PRDM1: variants seen among roughly 807,000 people sequenced by gnomAD.
PRDM1 encodes PR domain zinc finger protein 1.
PRDM1 carries 13 observed loss-of-function variants against 62.8 expected under a neutral mutation model. The observed-to-expected ratio is 0.21, with a 90% confidence interval of 0.13 to 0.33. The LOEUF (loss-of-function observed/expected upper bound fraction) is 0.33. Among genes scored for constraint, PRDM1 ranks in the 10% least tolerant of loss-of-function variants. PRDM1 has a pLI of 1.00. For synonymous variants in PRDM1, 396 were observed against 417.6 expected, an observed-to-expected ratio of 0.95 and a Z score of 0.63; for missense variants, 895 against 1,058.8, an observed-to-expected ratio of 0.85 and a Z score of 2.15.
chr6:106,022,722 C>T (rs1341659223), intron 1 of PRDM1, among the ~76,000 whole-genome samples: 1 of 152,004 alleles, frequency 6.6e-6, no homozygotes, highest in Non-Finnish European at 1.5e-5. Context: ...ACCCGCCCAG[C>T]CTTTTTAATT....
At chr6:106,064,556 C>T (rs545647971) in intron 1 of PRDM1, among the ~76,000 whole-genome samples, 18 of 152,260 alleles carry the variant, frequency 1.2e-4, no homozygotes, top group African/African-American at 3.6e-4. Context: ...GAGTACTTGT[C>T]GTCTGAGGGC....
chr6:106,107,959 C>CTT lies in PRDM1; in HGVS notation c.*475_*476dup, dbSNP rs1774552804. ...AATGTATTTTTGTCTTGTGGCCATT[C>CTT]TTTGTAGATAATTTCTGCACATCTG... On this transcript the variant is annotated 3_prime_UTR_variant, in exon 7 of 7. Transcript: ENST00000369096. The CTT allele has an allele frequency of 4.3e-6, 1 of 232,484 alleles. No individual in the cohort carries two copies. The allele number at this position is 232,484 out of a possible 1,614,324, so 14.4% of individuals were successfully genotyped here. A position where few individuals can be genotyped will look rare whatever the true frequency, so the allele number is the denominator to read the frequency against.
intron 1 of PRDM1, among the ~76,000 whole-genome samples, chr6:106,005,871 T>C (rs1428138153): frequency 2.6e-5 from 4 of 152,228 alleles, no homozygotes; most frequent in Non-Finnish European, 5.9e-5. Context: ...TGAGAAAACT[T>C]TACGGTTAGA....
At chr6:105,998,294 G>C (rs989018971) in intron 1 of PRDM1, among the ~76,000 whole-genome samples, 2 of 152,122 alleles carry the variant, frequency 1.3e-5, no homozygotes, top group Admixed American at 1.3e-4. Flanking sequence ...GCACGTGTCT[G>C]TAGTCCCAGC....
chr6:105,992,701 T>G (rs888831071), upstream of PRDM1, among the ~76,000 whole-genome samples: 2 of 152,192 alleles, frequency 1.3e-5, no homozygotes, highest in Non-Finnish European at 2.9e-5. Flanking sequence ...AGCTATATTT[T>G]GGGCTGTTAC....
chr6:106,008,106 C>T (rs1424086843), intron 1 of PRDM1, among the ~76,000 whole-genome samples: 2 of 152,238 alleles, frequency 1.3e-5, no homozygotes, highest in African/African-American at 4.8e-5. Context: ...GGCGCGGTGG[C>T]TCACGCCTGT....
intron 1 of PRDM1, among the ~76,000 whole-genome samples, chr6:106,053,764 G>A (rs1040663328): frequency 1.3e-5 from 2 of 152,110 alleles, no homozygotes; most frequent in Non-Finnish European, 2.9e-5. Context: ...GAATACAAGT[G>A]TCTTGGCTAA....
intron 4 of PRDM1, 148 bp from the exon 5 acceptor site, chr6:106,104,677 T>C: frequency 9.5e-7 from 1 of 1,050,300 alleles, no homozygotes; most frequent in Non-Finnish European, 1.4e-6. Context: ...CAGAGCCTTC[T>C]AGAATGAGAG....
chr6:106,023,527 C>T (rs1231171710), intron 1 of PRDM1, among the ~76,000 whole-genome samples: 3 of 152,156 alleles, frequency 2.0e-5, no homozygotes, highest in African/African-American at 7.2e-5. Flanking sequence ...CAGCCCTCCC[C>T]TCCTCTAGGA....
At position 106,086,637 on chromosome 6, in the gene PRDM1, C is replaced by G. The variant is rs915737243; in HGVS notation, c.42+42C>G. Reference sequence around the variant, plus strand: ...TTTTTTTTTTAATTCTGAAATTGATCTGAAAACTTTATTTTCTTTTCCTTT... The same window carrying G: ...TTTTTTTTTTAATTCTGAAATTGATGTGAAAACTTTATTTTCTTTTCCTTT... On this transcript the variant is annotated intron_variant, in intron 1 of 6. Coordinates refer to ENST00000369096, the MANE Select transcript of PRDM1 (RefSeq NM_001198.4). 98 of 1,492,706 alleles carry G rather than the reference C, an allele frequency of 6.6e-5. No individual in the cohort carries two copies. In the Admixed American group the frequency reaches 2.0e-3, roughly 30 times the overall value. The allele number at this position is 1,492,706 out of a possible 1,614,324, so 92.5% of individuals were successfully genotyped here. A position where few individuals can be genotyped will look rare whatever the true frequency, so the allele number is the denominator to read the frequency against.
Position 106,010,969 on chromosome 6 carries a change from G to A in PRDM1, c.-67+17330G>A, listed in dbSNP as rs988028290. ...TGTCCTCTCAGTAATGCACATCTGG[G>A]GATTTCAGCTGCAGCCACTGAGTAG... On this transcript the variant is annotated intron_variant, in intron 1 of 6. Coordinates refer to the PRDM1 transcript ENST00000652320. 2.0e-5 allele frequency among the ~76,000 whole-genome samples: 3 copies of A among 152,218 alleles called. No homozygotes were observed. The East Asian group carries it at 5.8e-4, about 29-fold the overall frequency.
chr6:106,098,296 TTGTG>T (rs1235712295), intron 3 of PRDM1: 1 of 985,070 alleles, frequency 1.0e-6, no homozygotes, highest in Non-Finnish European at 1.2e-6. Flanking sequence ...AGAGAAAACT[TTGTG>T]TGGAAGGATA....
chr6:106,003,713 C>T (rs777998459), intron 1 of PRDM1, among the ~76,000 whole-genome samples: 4 of 152,156 alleles, frequency 2.6e-5, no homozygotes, highest in Non-Finnish European at 5.9e-5. Context: ...CTTTTTATTC[C>T]TGTCTGATTG....
chr6:106,027,208 A>G (rs1238342312), intron 1 of PRDM1, among the ~76,000 whole-genome samples: 1 of 152,220 alleles, frequency 6.6e-6, no homozygotes, highest in Non-Finnish European at 1.5e-5. Context: ...CAAGACATTA[A>G]TCGCTGCACT....
intron 1 of PRDM1, among the ~76,000 whole-genome samples, chr6:106,011,974 A>G (rs961447028): frequency 5.3e-5 from 8 of 150,032 alleles, no homozygotes; most frequent in Non-Finnish European, 8.9e-5. Context: ...ACACACACAA[A>G]CATACCACAC....
Position 106,066,333 on chromosome 6 carries a change from C to T in PRDM1, c.-67+17619C>T, listed in dbSNP as rs148426672. On this transcript the variant is annotated intron_variant, in intron 1 of 6. Transcript: ENST00000651185. ...CTAGCTGATCATGTTTAAATGGAAG[C>T]GGGGTGAGCTGTGAGGAGGGCTCGG... Among the ~76,000 whole-genome samples, 447 of 152,144 alleles carry T rather than the reference C, an allele frequency of 2.9e-3. 4 individuals carry two copies. Among genetic ancestry groups the T allele is most frequent in the African/African-American group, 0.01 (421 of 41,506 alleles).
intron 1 of PRDM1, among the ~76,000 whole-genome samples, chr6:106,029,285 G>T (rs1341042255): frequency 6.6e-6 from 1 of 152,162 alleles, no homozygotes; most frequent in Non-Finnish European, 1.5e-5. Flanking sequence ...GATTCATTAA[G>T]AGTTAATTTA....
In PRDM1 at chr6:106,107,483, T is replaced by C. The variant is rs1162478233; in HGVS notation, c.2475T>C (p.Pro825=). 6.3e-7 allele frequency: 1 copy of C among 1,587,306 alleles called. No individual in the cohort carries two copies. The highest frequency in any genetic ancestry group is 1.1e-5 in the South Asian group (1 of 88,052). Residue 825 remains proline, a synonymous_variant, in exon 7 of 7, where the codon CCT becomes CCC. Transcript: ENST00000369096. ...AAGAAACAGTTGAACCAATGGATCCTTAAGATTTTCAGAAAACACTTATTT... is the reference window on the plus strand; with the variant it reads ...AAGAAACAGTTGAACCAATGGATCCCTAAGATTTTCAGAAAACACTTATTT... ...VKQETVEPMD[P]
rs2114613977 is a variant in PRDM1 at position 106,086,382 on chromosome 6, G to T, written c.-172G>T. On this transcript the variant is annotated 5_prime_UTR_variant, in exon 1 of 7. Transcript: ENST00000369096. Reference sequence around the variant, plus strand: ...TGACACTCGGCCCTCCAGTGTTGCGGAGAGGCAAGAGCAGCGACCGCGGCA... The same window carrying T: ...TGACACTCGGCCCTCCAGTGTTGCGTAGAGGCAAGAGCAGCGACCGCGGCA... The T allele has an allele frequency of 1.7e-6, 1 of 579,008 alleles. No homozygotes were observed. The highest frequency in any genetic ancestry group is 2.9e-5 in the East Asian group (1 of 34,174). 35.9% of individuals were successfully genotyped at this position (579,008 alleles called of 1,614,324 possible).
Sources: gnomAD v4.1 joint callset for allele counts (sites outside exome capture counted in the v4.1 genomes callset) on GRCh38, gnomAD v4.1.1 for gene constraint, MANE v1.5 for transcripts, NCBI Gene and HGNC (gene_info 2026-07-23, HGNC 2026-07-21) for gene names.